The following RSF1 variants were observed in gnomAD, a reference collection of about 807,000 sequenced individuals.
RSF1 encodes remodeling and spacing factor 1, also known as HBV pX-associated protein 8.
Under a neutral mutation model 145.2 loss-of-function variants are expected in RSF1, and 13 were observed. That is an observed-to-expected ratio of 0.09 (90% CI 0.06 to 0.14). The LOEUF (loss-of-function observed/expected upper bound fraction) is 0.14. Among genes scored for constraint, RSF1 ranks in the 10% least tolerant of loss-of-function variants. RSF1 has a pLI of 1.00. For missense variants in RSF1, 1,517 were observed against 1,718.2 expected (o/e 0.88, Z 2.07); for synonymous variants, 577 against 592.6 (o/e 0.97, Z 0.38).
At position 77,701,126 on chromosome 11, in the gene RSF1, C is replaced by T; in HGVS notation, c.2103G>A (p.Met701Ile). 1 of 1,613,616 alleles carries T rather than the reference C, an allele frequency of 6.2e-7. No homozygotes were observed. The highest frequency in any genetic ancestry group is 1.1e-5 in the South Asian group (1 of 91,018). ...ACTTATATTTGAATTTGCTTTTTTG[C>T]ATAGAACCCTTTGTCTCAGAAGGCT... is the stretch of plus-strand genomic sequence containing the variant. The part of the protein sequence containing the change: ...IEEPSETKGS[M>I]QKSKFKYKLV... The change falls in exon 6 of 16, where the codon ATG becomes ATA. Residue 701 changes from methionine (M) to isoleucine (I), a missense_variant. Around this residue, in one of 12 missense-constraint regions of RSF1, gnomAD observed 579 missense variants for 553.5 expected, o/e 1.05. Transcript: ENST00000308488.
intron 1 of RSF1, among the ~76,000 whole-genome samples, chr11:77,773,946 T>C (rs1017620397): frequency 6.6e-6 from 1 of 152,198 alleles, no homozygotes; most frequent in Non-Finnish European, 1.5e-5. Flanking sequence ...CTTATCAGTG[T>C]AATATCGACA....
intron 2 of RSF1, among the ~76,000 whole-genome samples, chr11:77,753,618 T>C (rs1948086506): frequency 6.6e-6 from 1 of 152,214 alleles, no homozygotes; most frequent in Non-Finnish European, 1.5e-5. Context: ...CTATCATTCA[T>C]GTTAGTGTAT....
chr11:77,751,729 T>C (rs1390071687), intron 2 of RSF1, among the ~76,000 whole-genome samples: 1 of 152,156 alleles, frequency 6.6e-6, no homozygotes, highest in Non-Finnish European at 1.5e-5. Flanking sequence ...AGCTCCCCCA[T>C]TCCTCCCACT....
At chr11:77,860,626 A>C in the RSF1 span, among the ~76,000 whole-genome samples, 8 of 152,334 alleles carry the variant, frequency 5.3e-5, no homozygotes, top group African/African-American at 1.9e-4. Flanking sequence ...GAACTGGCTC[A>C]AGTCTTGGGC....
chr11:77,745,509 A>AT (rs111700788), intron 3 of RSF1, among the ~76,000 whole-genome samples: 19 of 150,044 alleles, frequency 1.3e-4, no homozygotes, highest in East Asian at 7.8e-4. Context: ...TTCCTTTTGG[A>AT]TTTTTTTTTA....
chr11:77,696,389 A>C (rs1015513869), intron 7 of RSF1, among the ~76,000 whole-genome samples: 1 of 152,208 alleles, frequency 6.6e-6, no homozygotes, highest in Admixed American at 6.5e-5. Flanking sequence ...CTCAATTAAG[A>C]CAAGGACCAT....
At chr11:77,672,864 G>T (rs1432230372) in intron 14 of RSF1, among the ~76,000 whole-genome samples, 3 of 152,122 alleles carry the variant, frequency 2.0e-5, no homozygotes, top group African/African-American at 7.2e-5. Context: ...TGTATTTTTA[G>T]TAGAGATGGG....
At position 77,778,470 on chromosome 11, in the gene RSF1, G is replaced by A. The variant is rs901589715; in HGVS notation, c.188-13781C>T. ...ATAATATAAGGTTATCAAACATGTG[G>A]AAACTTTTTTTAATCAACTATTACC... On this transcript the variant is annotated intron_variant, in intron 1 of 15. Transcript: ENST00000308488. 3.3e-5 allele frequency among the ~76,000 whole-genome samples: 5 copies of A among 152,120 alleles called. 1 individual carries two copies. In the East Asian group the frequency reaches 9.6e-4, roughly 29 times the overall value.
intron 2 of RSF1, among the ~76,000 whole-genome samples, chr11:77,761,002 ACTGCAACCTCCGCCTCC>A (rs1398432917): frequency 2.0e-5 from 3 of 151,476 alleles, no homozygotes; most frequent in African/African-American, 4.8e-5. Flanking sequence ...ATCTCGGCTC[ACTGCAACCTCCGCCTCC>A]CTGCAACTTC....
At chr11:77,702,652 G>A (rs1317210348) in intron 5 of RSF1, 157 bp from the exon 6 acceptor site, 1 of 447,852 alleles carries the variant, frequency 2.2e-6, no homozygotes, top group Non-Finnish European at 3.7e-6. Context: ...ATCTGACAAT[G>A]AAGAAAATTA....
intron 2 of RSF1, among the ~76,000 whole-genome samples, chr11:77,755,222 A>C (rs1948103744): frequency 6.6e-6 from 1 of 152,212 alleles, no homozygotes; most frequent in South Asian, 2.1e-4. Context: ...GAAACTAGGA[A>C]ACCAACCTGA....
the RSF1 span, among the ~76,000 whole-genome samples, chr11:77,864,923 G>A: frequency 1.3e-5 from 2 of 152,124 alleles, no homozygotes; most frequent in Non-Finnish European, 2.9e-5. Context: ...GCTGCAGTGA[G>A]CCCTGATTGC....
At chr11:77,761,572 C>A (rs956630015) in intron 2 of RSF1, among the ~76,000 whole-genome samples, 1 of 152,088 alleles carries the variant, frequency 6.6e-6, no homozygotes, top group Non-Finnish European at 1.5e-5. Flanking sequence ...TTTGTGAAGG[C>A]ATGTGAAGGC....
intron 1 of RSF1, among the ~76,000 whole-genome samples, chr11:77,769,923 A>G (rs538433572): frequency 1.3e-5 from 2 of 152,334 alleles, no homozygotes; most frequent in East Asian, 1.9e-4. Flanking sequence ...TATTTCAGAC[A>G]CAGTGATTCA....
At chr11:77,788,649 T>C (rs977425168) in intron 1 of RSF1, among the ~76,000 whole-genome samples, 6 of 152,114 alleles carry the variant, frequency 3.9e-5, no homozygotes, top group African/African-American at 1.4e-4. Flanking sequence ...AAGCAGTATT[T>C]GTAGAAAAAT....
Position 77,665,721 on chromosome 11 carries a change from C to T in RSF1, c.*1196G>A, listed in dbSNP as rs1343413190. 1 of 152,104 alleles carries T rather than the reference C, an allele frequency of 6.6e-6. No homozygotes were observed. The highest frequency in any genetic ancestry group is 2.4e-5 in the African/African-American group (1 of 41,422). 9.4% of individuals were successfully genotyped at this position (152,104 alleles called of 1,614,324 possible). ...GCCAAAGGCCAAAACTACATTCAAA[C>T]TCTGCTAATATATCCAGGCAGATAG... On this transcript the variant is annotated 3_prime_UTR_variant, in exon 16 of 16. Transcript: ENST00000308488.
chr11:77,797,126 C>T (rs184228809), intron 1 of RSF1, among the ~76,000 whole-genome samples: 219 of 152,302 alleles, frequency 1.4e-3, no homozygotes, highest in Non-Finnish European at 2.0e-3. Context: ...ATCAAGCTAC[C>T]GCTGACTTTC....
intron 11 of RSF1, among the ~76,000 whole-genome samples, chr11:77,678,896 T>C (rs985254383): frequency 6.6e-6 from 1 of 152,220 alleles, no homozygotes; most frequent in African/African-American, 2.4e-5. Flanking sequence ...TTGGACCTCC[T>C]AGTTTCTAGA....
At chr11:77,804,891 A>C (rs1167203747) in intron 1 of RSF1, among the ~76,000 whole-genome samples, 2 of 152,254 alleles carry the variant, frequency 1.3e-5, no homozygotes, top group African/African-American at 4.8e-5. Context: ...TATTTCTTCT[A>C]GACAATTTTT....
Sources: gnomAD v4.1 joint callset for allele counts (sites outside exome capture counted in the v4.1 genomes callset) on GRCh38, gnomAD v4.1.1 for gene constraint, gnomAD v4.1.1 regional missense constraint, MANE v1.5 for transcripts, NCBI Gene and HGNC (gene_info 2026-07-23, HGNC 2026-07-21) for gene names.